KIF16B: variants seen among roughly 807,000 people sequenced by gnomAD.
KIF16B encodes the protein kinesin-like protein KIF16B.
Under a neutral mutation model 156.3 loss-of-function variants are expected in KIF16B, and 98 were observed. The observed-to-expected ratio is 0.63, with a 90% CI of 0.53 to 0.74. KIF16B has a LOEUF of 0.74. KIF16B is among the 30% of genes least tolerant of loss of function. KIF16B has a pLI of 0.00. For missense variants in KIF16B, 1,421 were observed against 1,606.5 expected, an observed-to-expected ratio of 0.88 and a Z score of 1.97; for synonymous variants, 564 against 583.7, an observed-to-expected ratio of 0.97 and a Z score of 0.49.
chr20:16,573,001 G>T (rs35986830), intron 1 of KIF16B, among the ~76,000 whole-genome samples: 1,895 of 152,276 alleles, frequency 0.012, 40 homozygotes, highest in African/African-American at 0.043. Context: ...ACGATGGAGA[G>T]AGTTAATAGA....
At chr20:16,400,026 G>A (rs2065609980) in intron 17 of KIF16B, among the ~76,000 whole-genome samples, 1 of 152,164 alleles carries the variant, frequency 6.6e-6, no homozygotes, top group African/African-American at 2.4e-5. Flanking sequence ...TCAATGCAAG[G>A]ATGAATGACC....
At chr20:16,411,036 G>A (rs957427683) in intron 15 of KIF16B, among the ~76,000 whole-genome samples, 6 of 151,568 alleles carry the variant, frequency 4.0e-5, no homozygotes, top group African/African-American at 9.7e-5. Context: ...TGACATACTC[G>A]TCAATAAATT....
At chr20:16,560,611 A>C (rs2071020828) in intron 1 of KIF16B, among the ~76,000 whole-genome samples, 1 of 152,216 alleles carries the variant, frequency 6.6e-6, no homozygotes. Flanking sequence ...GTTCAAGACC[A>C]ACCTAGGCAA....
intron 9 of KIF16B, 55 bp downstream of exon 9, chr20:16,505,667 A>C: frequency 1.4e-6 from 2 of 1,476,780 alleles, no homozygotes; most frequent in Non-Finnish European, 1.9e-6. Context: ...TTAAATATTT[A>C]CAGTTAATTC....
intron 24 of KIF16B, among the ~76,000 whole-genome samples, chr20:16,335,267 T>C (rs897184751): frequency 5.9e-5 from 9 of 152,216 alleles, no homozygotes; most frequent in Admixed American, 1.3e-4. Flanking sequence ...AAAATCATCT[T>C]CATCATCATC....
At chr20:16,429,090 T>C (rs1393280345) in intron 13 of KIF16B, 86 bp from the exon 14 acceptor site, 10 of 1,092,210 alleles carry the variant, frequency 9.2e-6, no homozygotes, top group East Asian at 2.4e-5. Flanking sequence ...CCAAACAACA[T>C]AGTGGCCAAT....
rs537699561 is a variant in KIF16B at position 16,525,029 on chromosome 20, G to A, written c.231+1063C>T. Among the ~76,000 whole-genome samples the A allele has an allele frequency of 4.1e-4, 63 of 152,212 alleles. No individual in the cohort carries two copies. The South Asian group carries it at 0.012, about 30-fold the overall frequency. On this transcript the variant is annotated intron_variant, in intron 3 of 25. Coordinates refer to ENST00000354981, the MANE Select transcript of KIF16B (RefSeq NM_024704.5). ...CATCACATACCAAAGCCTGTCAGGG[G>A]GTAGGGAGCTACGGGAGGGATAGCA...
intron 1 of KIF16B, among the ~76,000 whole-genome samples, chr20:16,539,848 T>C (rs1459843382): frequency 6.6e-6 from 1 of 152,232 alleles, no homozygotes; most frequent in Non-Finnish European, 1.5e-5. Context: ...TGATGACATC[T>C]GGTCAATCCA....
At chr20:16,477,026 C>G (rs1212556549) in intron 12 of KIF16B, among the ~76,000 whole-genome samples, 1 of 152,046 alleles carries the variant, frequency 6.6e-6, no homozygotes, top group Non-Finnish European at 1.5e-5. Context: ...GGATTACAGG[C>G]GTGAGCCACT....
intron 12 of KIF16B, among the ~76,000 whole-genome samples, chr20:16,465,854 C>A (rs916478857): frequency 1.3e-5 from 2 of 152,026 alleles, no homozygotes; most frequent in Non-Finnish European, 2.9e-5. Flanking sequence ...TCTTCCTGAA[C>A]ACAAGAAATT....
intron 6 of KIF16B, 124 bp from the exon 7 acceptor site, chr20:16,508,224 G>T: frequency 9.2e-7 from 1 of 1,090,786 alleles, no homozygotes; most frequent in Non-Finnish European, 1.3e-6. Flanking sequence ...GACCTCACTT[G>T]TCTCTCTAGG....
In KIF16B at chr20:16,568,298, CATT is replaced by C. The variant is rs199918880; in HGVS notation, c.47+4928_47+4930del. On this transcript the variant is annotated intron_variant, in intron 1 of 25. Transcript: ENST00000354981. The stretch of plus-strand genomic sequence containing the variant: ...ATTTGCCCTATCAGATAAGCAAGCA[CATT>C]ATACAACATAGCTATAAAGCTGGCA... Among the ~76,000 whole-genome samples, 1,023 of 152,166 alleles carry C rather than the reference CATT, an allele frequency of 6.7e-3. 11 individuals carry two copies. The highest frequency in any genetic ancestry group is 0.024 in the African/African-American group (984 of 41,512).
intron 12 of KIF16B, among the ~76,000 whole-genome samples, chr20:16,442,714 C>G (rs2066836627): frequency 6.6e-6 from 1 of 152,202 alleles, no homozygotes; most frequent in Admixed American, 6.5e-5. Flanking sequence ...AAAATGAGGT[C>G]TTCTCTAACA....
intron 22 of KIF16B, chr20:16,368,130 A>G (rs985758293): frequency 9.3e-6 from 11 of 1,189,024 alleles, no homozygotes; most frequent in African/African-American, 4.6e-5. Context: ...AACAAGTCAC[A>G]TGCCTAAGAA....
chr20:16,386,306 G>A (rs2065228530), intron 17 of KIF16B, among the ~76,000 whole-genome samples: 1 of 152,134 alleles, frequency 6.6e-6, no homozygotes, highest in Admixed American at 6.5e-5. Flanking sequence ...AGGGCAGAGG[G>A]AAGAGGGTAT....
intron 12 of KIF16B, among the ~76,000 whole-genome samples, chr20:16,485,698 C>G (rs1280234356): frequency 6.6e-6 from 1 of 152,154 alleles, no homozygotes; most frequent in African/African-American, 2.4e-5. Flanking sequence ...GTGTTCAGAC[C>G]TACTGAGCAA....
At chr20:16,494,251 T>G in intron 12 of KIF16B, 40 bp downstream of exon 12, 8 of 1,172,296 alleles carry the variant, frequency 6.8e-6, no homozygotes, top group Non-Finnish European at 9.9e-6. Context: ...ACCAGTTTAA[T>G]CCACCATAGT....
intron 6 of KIF16B, among the ~76,000 whole-genome samples, chr20:16,509,814 T>C (rs2068901539): frequency 6.6e-6 from 1 of 152,246 alleles, no homozygotes; most frequent in African/African-American, 2.4e-5. Flanking sequence ...TGATGTTTTA[T>C]TTTGCTATTC....
At chr20:16,471,416 A>G (rs1442614284) in intron 12 of KIF16B, among the ~76,000 whole-genome samples, 1 of 152,196 alleles carries the variant, frequency 6.6e-6, no homozygotes, top group Non-Finnish European at 1.5e-5. Context: ...CCAGCATATT[A>G]TAAGTGCTGA....
Sources: gnomAD v4.1 joint callset for allele counts (sites outside exome capture counted in the v4.1 genomes callset) on GRCh38, gnomAD v4.1.1 for gene constraint, MANE v1.5 for transcripts, NCBI Gene and HGNC (gene_info 2026-07-23, HGNC 2026-07-21) for gene names.